Variants in GALNTL5 observed in about 807,000 individuals in gnomAD.
GALNTL5 encodes the protein inactive polypeptide N-acetylgalactosaminyltransferase-like protein 5.
Under a neutral mutation model 51.0 loss-of-function variants are expected in GALNTL5, and 44 were observed. That is an observed-to-expected ratio of 0.86 (90% CI 0.68 to 1.11). The LOEUF (loss-of-function observed/expected upper bound fraction) is 1.11, where lower values mean the gene tolerates loss of function less well. GALNTL5 is among the 50% of genes least tolerant of loss of function. The probability of loss-of-function intolerance (pLI) is 0.00; values close to 1 mark genes in which losing one functional copy is unlikely to be tolerated. For synonymous variants in GALNTL5, 192 were observed against 182.8 expected, an observed-to-expected ratio of 1.05 and a Z score of -0.41; for missense variants, 528 against 531.8, an observed-to-expected ratio of 0.99 and a Z score of 0.07.
intron 4 of GALNTL5, among the ~76,000 whole-genome samples, chr7:151,986,727 C>CTT (rs5888461): frequency 7.4e-6 from 1 of 134,762 alleles, no homozygotes; most frequent in African/African-American, 2.8e-5. Context: ...AAAATTCTAT[C>CTT]TTTTTTTTTT....
Position 152,019,731 on chromosome 7 carries a change from G to T in GALNTL5, c.1262G>T (p.Gly421Val). 1 of 1,613,464 alleles carries T rather than the reference G, an allele frequency of 6.2e-7. No individual in the cohort carries two copies. The highest frequency in any genetic ancestry group is 8.5e-7 in the Non-Finnish European group (1 of 1,179,386). The change falls in exon 9 of 9, where the codon GGT becomes GTT. Residue 421 changes from glycine (G) to valine (V), a missense_variant. Coordinates refer to ENST00000392800, the MANE Select transcript of GALNTL5 (RefSeq NM_145292.4). Reference protein sequence around the residue: ...RERVELRKRLGCKSFQWYLDN... With the variant: ...RERVELRKRLVCKSFQWYLDN... Reference sequence around the variant, plus strand: ...CGTGTTGAGTTAAGGAAACGACTGGGTTGCAAGTCATTTCAGTGGTATTTG... The same window carrying T: ...CGTGTTGAGTTAAGGAAACGACTGGTTTGCAAGTCATTTCAGTGGTATTTG...
At chr7:151,999,717 T>A (rs1457844091) in intron 5 of GALNTL5, among the ~76,000 whole-genome samples, 1 of 152,200 alleles carries the variant, frequency 6.6e-6, no homozygotes, top group Non-Finnish European at 1.5e-5. Context: ...ATGCTAATAA[T>A]GTTACGTAAT....
intron 5 of GALNTL5, among the ~76,000 whole-genome samples, chr7:151,987,717 T>G: frequency 6.6e-6 from 1 of 151,936 alleles, no homozygotes; most frequent in South Asian, 2.1e-4. Flanking sequence ...GGGCAAGAGA[T>G]AGGAGAACAG....
chr7:151,993,704 C>T (rs756349326), intron 5 of GALNTL5, among the ~76,000 whole-genome samples: 79 of 152,154 alleles, frequency 5.2e-4, no homozygotes, highest in Admixed American at 2.4e-3. Flanking sequence ...ACTGCAGCCT[C>T]GAACTCCTGG....
At chr7:151,991,277 G>C (rs1055124110) in intron 5 of GALNTL5, among the ~76,000 whole-genome samples, 2 of 152,114 alleles carry the variant, frequency 1.3e-5, no homozygotes, top group Admixed American at 1.3e-4. Context: ...ATTTTTAGTA[G>C]AGACGGGGTT....
intron 3 of GALNTL5, 91 bp from the exon 4 acceptor site, chr7:151,982,895 A>G (rs756512737): frequency 3.7e-6 from 6 of 1,607,530 alleles, no homozygotes; most frequent in Non-Finnish European, 4.2e-6. Flanking sequence ...AGAGTCAAAA[A>G]GATGCAAATA....
At chr7:151,989,576 T>C (rs1004713887) in intron 5 of GALNTL5, among the ~76,000 whole-genome samples, 1 of 152,250 alleles carries the variant, frequency 6.6e-6, no homozygotes, top group Non-Finnish European at 1.5e-5. Flanking sequence ...CTTTGTGTGA[T>C]TGATTGTGCC....
At chr7:151,983,700 C>G (rs1437353055) in intron 4 of GALNTL5, among the ~76,000 whole-genome samples, 1 of 152,048 alleles carries the variant, frequency 6.6e-6, no homozygotes, top group East Asian at 1.9e-4. Context: ...TTGGAGATAA[C>G]TTCAGGAAGA....
intron 7 of GALNTL5, among the ~76,000 whole-genome samples, chr7:152,008,833 C>G (rs1311331833): frequency 6.6e-6 from 1 of 151,908 alleles, no homozygotes; most frequent in Admixed American, 6.6e-5. Context: ...GCATTTTATT[C>G]TGTTTAGTTG....
intron 6 of GALNTL5, among the ~76,000 whole-genome samples, chr7:152,006,403 G>A (rs770325242): frequency 9.2e-5 from 14 of 152,126 alleles, no homozygotes; most frequent in East Asian, 3.8e-4. Flanking sequence ...AAAATAAGGC[G>A]GTTTTAATTT....
At chr7:152,008,754 G>A (rs1586851682) in intron 7 of GALNTL5, among the ~76,000 whole-genome samples, 1 of 151,196 alleles carries the variant, frequency 6.6e-6, no homozygotes, top group East Asian at 1.9e-4. Flanking sequence ...TTGTTTGCTT[G>A]CTTTGTTTTT....
intron 5 of GALNTL5, among the ~76,000 whole-genome samples, chr7:151,989,712 T>C (rs1336114134): frequency 1.3e-5 from 2 of 152,206 alleles, no homozygotes; most frequent in East Asian, 1.9e-4. Flanking sequence ...CACAGATAAA[T>C]TGCCCTTTCT....
intron 5 of GALNTL5, among the ~76,000 whole-genome samples, chr7:151,999,780 C>T (rs1414312364): frequency 6.6e-6 from 1 of 152,152 alleles, no homozygotes; most frequent in Non-Finnish European, 1.5e-5. Context: ...TGTGTGTGTG[C>T]TGCCAATAGT....
At chr7:151,964,203 G>T (rs2081028769) in intron 1 of GALNTL5, among the ~76,000 whole-genome samples, 2 of 152,124 alleles carry the variant, frequency 1.3e-5, no homozygotes, top group Admixed American at 6.6e-5. Context: ...TATTGGAATT[G>T]GGCCCACCCT....
chr7:151,998,343 A>G (rs1014914119), intron 5 of GALNTL5, among the ~76,000 whole-genome samples: 10 of 152,226 alleles, frequency 6.6e-5, no homozygotes, highest in African/African-American at 2.2e-4. Context: ...AAAAAAGTCT[A>G]TTTTTTTAAC....
intron 5 of GALNTL5, among the ~76,000 whole-genome samples, chr7:151,987,970 G>A (rs1162909166): frequency 1.3e-5 from 2 of 152,178 alleles, no homozygotes; most frequent in Admixed American, 6.5e-5. Flanking sequence ...GCAGCACCCT[G>A]GGAACGGCAT....
chr7:152,010,119 C>CT (rs371662298), intron 7 of GALNTL5, among the ~76,000 whole-genome samples: 3,308 of 146,260 alleles, frequency 0.023, 132 homozygotes, highest in African/African-American at 0.076. Context: ...AAAGTGGCTT[C>CT]TTTTTTTTTT....
At chr7:152,001,059 C>T (rs1355228530) in intron 5 of GALNTL5, among the ~76,000 whole-genome samples, 1 of 142,670 alleles carries the variant, frequency 7.0e-6, no homozygotes, top group Non-Finnish European at 1.6e-5. Context: ...GCACCCACCA[C>T]CACACCTGGC....
chr7:151,960,965 C>T (rs956938750), intron 1 of GALNTL5, among the ~76,000 whole-genome samples: 2 of 152,198 alleles, frequency 1.3e-5, no homozygotes, highest in South Asian at 2.1e-4. Flanking sequence ...TGTCAAGCAG[C>T]GTGGGTTTCC....
Sources: allele counts gnomAD v4.1 joint callset (sites outside exome capture counted in the v4.1 genomes callset), GRCh38; gene constraint gnomAD v4.1.1; transcripts MANE v1.5; gene names NCBI Gene and HGNC (gene_info 2026-07-23, HGNC 2026-07-21).